VPS51: variants seen among roughly 807,000 people sequenced by gnomAD.
VPS51 encodes the protein vacuolar protein sorting-associated protein 51 homolog.
A neutral mutation model predicts 65.1 loss-of-function variants in VPS51; 55 were observed. The ratio of observed to expected loss-of-function variants is 0.84; its 90% CI spans 0.68 to 1.06. The LOEUF is 1.06. Ranked by LOEUF, VPS51 falls within the 50% of genes least tolerant of loss-of-function variation. VPS51 has a pLI of 0.00. For missense variants in VPS51, 943 were observed against 1,101.6 expected, an observed-to-expected ratio of 0.86 and a Z score of 2.04; for synonymous variants, 473 against 489.5, an observed-to-expected ratio of 0.97 and a Z score of 0.44.
intron 1 of VPS51, chr11:65,096,708 A>C (rs1227459305): frequency 1.6e-6 from 1 of 632,178 alleles, no homozygotes. Flanking sequence ...TTCTGGGCTG[A>C]TGTGATAGGC....
intron 2 of VPS51, among the ~76,000 whole-genome samples, chr11:65,102,346 G>A (rs915450510): frequency 2.0e-5 from 3 of 152,208 alleles, no homozygotes; most frequent in Non-Finnish European, 4.4e-5. Flanking sequence ...GATAAACAGT[G>A]TAGTCTTTGT....
At position 65,109,688 on chromosome 11, in the gene VPS51, C is replaced by G. The variant is rs1160913192; in HGVS notation, c.1660-17C>G. 2 of 1,550,446 alleles carry G rather than the reference C, an allele frequency of 1.3e-6. No homozygotes were observed. The highest frequency in any genetic ancestry group is 1.7e-6 in the Non-Finnish European group (2 of 1,145,712). On this transcript the variant is annotated splice_polypyrimidine_tract_variant and intron_variant, in intron 6 of 9. Coordinates refer to ENST00000279281, the MANE Select transcript of VPS51 (RefSeq NM_013265.4). The stretch of plus-strand genomic sequence containing the variant: ...CCACCATACCCACTCCCTCTGTCCT[C>G]TGCCTCCTTGGCTCAGGATCAGTTC...
Position 65,108,325 on chromosome 11 carries a change from GA to G in VPS51, c.857del (p.Asn286ThrfsTer16). ...CGCGGCCGGCTGGAGAAGGAGCTGA[GA>G]AACCTGGAGGCCGAGCTGGGGCCCT... ...HARGRLEKELRNLEAELGPSP... is the reference protein window; with the variant it reads ...HARGRLEKELXNLEAELGPSP... On this transcript the variant is annotated frameshift_variant, in exon 5 of 10. Transcript: ENST00000279281. LOFTEE classifies it high-confidence loss of function. 6.2e-7 allele frequency: 1 copy of G among 1,610,416 alleles called. No individual in the cohort carries two copies. The highest frequency in any genetic ancestry group is 8.5e-7 in the Non-Finnish European group (1 of 1,179,058).
At position 65,107,298 on chromosome 11, in the gene VPS51, G is replaced by T. The variant is rs891992544; in HGVS notation, c.359-283G>T. Reference sequence around the variant, plus strand: ...TGGTGGCAGCTGGCTAAGCACCTGCGGCCTGCTTCGGATCTGGACTAATTC... The same window carrying T: ...TGGTGGCAGCTGGCTAAGCACCTGCTGCCTGCTTCGGATCTGGACTAATTC... On this transcript the variant is annotated intron_variant, in intron 2 of 9. Transcript: ENST00000279281. This position sits in a 1 kb window ranked among gnomAD's most constrained non-coding sequence, Gnocchi z 4.0. 5.2e-6 allele frequency: 3 copies of T among 579,280 alleles called. No individual in the cohort carries two copies. The highest frequency in any genetic ancestry group is 9.8e-6 in the Non-Finnish European group (3 of 307,234). The allele number at this position is 579,280 out of a possible 1,614,324, so 35.9% of individuals were successfully genotyped here.
intron 2 of VPS51, among the ~76,000 whole-genome samples, chr11:65,105,724 A>G (rs1259552331): frequency 6.6e-6 from 1 of 152,226 alleles, no homozygotes; most frequent in Non-Finnish European, 1.5e-5. Flanking sequence ...ACTTTCAGGC[A>G]CTAGCTGCAG....
chr11:65,110,567 G>A lies in VPS51; in HGVS notation c.1964G>A (p.Arg655Gln). Residue 655 changes from arginine to glutamine, a missense_variant, in exon 8 of 10, where the codon CGG (arginine) becomes CAG (glutamine). By Grantham distance (43) the Arg-to-Gln change is conservative (BLOSUM62 1). This residue lies in a region of VPS51 where 855 missense variants were observed against 953.7 expected (regional missense o/e 0.90). Transcript: ENST00000279281. ...KRTFSVYSSS[R>Q]QQGRYAPSYT... Reference sequence around the variant, plus strand: ...ACTTTCTCCGTGTACAGCAGCTCTCGGCAGCAGGGCCGCTACGCCCCCAGC... The same window carrying A: ...ACTTTCTCCGTGTACAGCAGCTCTCAGCAGCAGGGCCGCTACGCCCCCAGC... The A allele has an allele frequency of 6.2e-7, 1 of 1,614,034 alleles. No individual in the cohort carries two copies. Among genetic ancestry groups the A allele is most frequent in the Non-Finnish European group, 8.5e-7 (1 of 1,180,022 alleles).
At chr11:65,097,730 G>A (rs2137178839) in intron 2 of VPS51, among the ~76,000 whole-genome samples, 1 of 152,280 alleles carries the variant, frequency 6.6e-6, no homozygotes, top group Non-Finnish European at 1.5e-5. Flanking sequence ...GATGGCGTAT[G>A]CCTGTAGTCC....
rs1947907759 is a variant in VPS51 at position 65,111,857 on chromosome 11, A to G, written c.*270A>G. 2 of 992,228 alleles carry G rather than the reference A, an allele frequency of 2.0e-6. No individual in the cohort carries two copies. 61.5% of individuals were successfully genotyped at this position (992,228 alleles called of 1,614,324 possible). The stretch of plus-strand genomic sequence containing the variant: ...GGCGGTTCCACTTAAAAACCCTGGG[A>G]CGAGAGCGGTCCTTGTCTGCGTTCC... On this transcript the variant is annotated 3_prime_UTR_variant, in exon 10 of 10. Transcript: ENST00000279281.
chr11:65,108,184 C>T lies in VPS51; in HGVS notation c.726-13C>T. ...GCCCCGGCCCTGCCCTTCACTACCT[C>T]TCCCTCGTGCAGGGAGGGCGGCTCA... is the stretch of plus-strand genomic sequence containing the variant. On this transcript the variant is annotated splice_polypyrimidine_tract_variant and intron_variant, in intron 4 of 9. Transcript: ENST00000279281. The T allele has an allele frequency of 9.4e-6, 15 of 1,597,216 alleles. No homozygotes were observed. Among genetic ancestry groups the T allele is most frequent in the East Asian group, 2.2e-5 (1 of 44,508 alleles).
intron 5 of VPS51, 25 bp from the exon 6 acceptor site, chr11:65,109,255 T>A (rs1947870092): frequency 3.7e-6 from 6 of 1,601,808 alleles, no homozygotes; most frequent in Non-Finnish European, 5.1e-6. Context: ...GGACCTGCTG[T>A]GGACCTGGGC....
In VPS51 at chr11:65,111,829, G is replaced by C. The variant is rs1038946868; in HGVS notation, c.*242G>C. 1.1e-6 allele frequency: 1 copy of C among 927,866 alleles called. No homozygotes were observed. The highest frequency in any genetic ancestry group is 1.7e-5 in the African/African-American group (1 of 60,116). 57.5% of individuals were successfully genotyped at this position (927,866 alleles called of 1,614,324 possible). A position where few individuals can be genotyped will look rare whatever the true frequency, so the allele number is the denominator to read the frequency against. On this transcript the variant is annotated 3_prime_UTR_variant, in exon 10 of 10. Transcript: ENST00000279281. ...TGGTGTGCTGGGCCCAGCATGGGCA[G>C]GGGGCGGTTCCACTTAAAAACCCTG...
intron 5 of VPS51, 54 bp from the exon 6 acceptor site, chr11:65,109,222 TTAAC>T (rs1947869648): frequency 6.4e-7 from 1 of 1,563,544 alleles, no homozygotes; most frequent in Admixed American, 1.7e-5. Context: ...CAGAGGGTCA[TTAAC>T]AGCCTTACCT....
intron 2 of VPS51, among the ~76,000 whole-genome samples, chr11:65,106,790 C>G (rs3896078): frequency 0.93 from 139,948 of 150,934 alleles, 64,982 homozygotes; most frequent in Middle Eastern, 0.97. Flanking sequence ...GAATTGAGGC[C>G]GTCAGTGAAC....
rs1947852762 is a variant in VPS51 at position 65,107,754 on chromosome 11, G to A, written c.505+27G>A. ...TGGGCGCTGCCGGGCAGGGCCTGCA[G>A]TGGGCCTTTCCTGGGGCTCTGGGGC... is the stretch of plus-strand genomic sequence containing the variant. On this transcript the variant is annotated intron_variant, in intron 3 of 9. Coordinates refer to ENST00000279281, the MANE Select transcript of VPS51 (RefSeq NM_013265.4). This position sits in a 1 kb window ranked among gnomAD's most constrained non-coding sequence, Gnocchi z 4.0. 6.2e-7 allele frequency: 1 copy of A among 1,605,100 alleles called. No individual in the cohort carries two copies. Among genetic ancestry groups the A allele is most frequent in the Admixed American group, 1.7e-5 (1 of 59,834 alleles).
At position 65,111,429 on chromosome 11, in the gene VPS51, G is replaced by C; in HGVS notation, c.2191G>C (p.Asp731His). 6.2e-7 allele frequency: 1 copy of C among 1,613,804 alleles called. No homozygotes were observed. The highest frequency in any genetic ancestry group is 1.1e-5 in the South Asian group (1 of 91,088). Residue 731 changes from aspartate (D) to histidine (H), a missense_variant, in exon 10 of 10, where the codon GAC (aspartate) becomes CAC (histidine). Transcript: ENST00000279281. ...GRFGLQQVQV[D>H]CHFLQLYLWR... ...CTTCGGGCTGCAGCAGGTGCAAGTG[G>C]ACTGCCACTTTCTGCAGCTCTACCT...
Position 65,102,072 on chromosome 11 carries a change from T to A in VPS51, c.358+4945T>A, listed in dbSNP as rs1054444289. On this transcript the variant is annotated intron_variant, in intron 2 of 9. Transcript: ENST00000279281. ...TCTTGCTCTGTCATCCAGGCTAGAGTGCAGTGGCCCAATCGGCTCACTGCA... is the reference window on the plus strand; with the variant it reads ...TCTTGCTCTGTCATCCAGGCTAGAGAGCAGTGGCCCAATCGGCTCACTGCA... Among the ~76,000 whole-genome samples the A allele has an allele frequency of 6.8e-5, 10 of 146,414 alleles. No homozygotes were observed. The Admixed American group carries it at 7.1e-4, about 10-fold the overall frequency.
chr11:65,111,005 T>A (rs1281990644), intron 9 of VPS51: 3 of 666,516 alleles, frequency 4.5e-6, no homozygotes, highest in Non-Finnish European at 7.8e-6. Context: ...TGAGTCTGGG[T>A]GCTGACCTGG....
At chr11:65,100,745 C>G (rs1222576578) in intron 2 of VPS51, among the ~76,000 whole-genome samples, 1 of 151,886 alleles carries the variant, frequency 6.6e-6, no homozygotes, top group Non-Finnish European at 1.5e-5. Context: ...GGGATTCCAC[C>G]TTGTTGGCCA....
chr11:65,108,053 C>G, intron 4 of VPS51, 31 bp downstream of exon 4: 1 of 1,485,812 alleles, frequency 6.7e-7, no homozygotes, highest in Non-Finnish European at 8.9e-7. Context: ...CCCCAGCGCT[C>G]CCGCCAGCCC....
Sources: gnomAD v4.1 joint callset for allele counts (sites outside exome capture counted in the v4.1 genomes callset) on GRCh38, gnomAD v4.1.1 for gene constraint, gnomAD v4.1.1 regional missense constraint, Gnocchi (gnomAD v3.1) non-coding constraint, MANE v1.5 for transcripts, NCBI Gene and HGNC (gene_info 2026-07-23, HGNC 2026-07-21) for gene names.